Variants in FARP2 observed in about 807,000 individuals in gnomAD.
FARP2 encodes FERM, ARHGEF and pleckstrin domain-containing protein 2.
In FARP2, 111 loss-of-function variants were observed where a neutral mutation model predicts 130.5. The ratio of observed to expected loss-of-function variants is 0.85; its 90% CI spans 0.73 to 1.00. The LOEUF (loss-of-function observed/expected upper bound fraction) is 1.00. FARP2 is among the 50% of genes least tolerant of loss of function. FARP2 has a pLI of 0.00. For synonymous variants in FARP2, 504 were observed against 516.9 expected (o/e 0.98, Z 0.34); for missense variants, 1,385 against 1,346.3 (o/e 1.03, Z -0.45).
At chr2:241,396,836 A>G (rs1341898813) in intron 2 of FARP2, among the ~76,000 whole-genome samples, 1 of 152,202 alleles carries the variant, frequency 6.6e-6, no homozygotes, top group Non-Finnish European at 1.5e-5. Flanking sequence ...ATTACTGGGT[A>G]TATACCCAAA....
At chr2:241,410,153 A>T (rs546850371) in intron 5 of FARP2, among the ~76,000 whole-genome samples, 74 of 152,324 alleles carry the variant, frequency 4.9e-4, no homozygotes, top group Middle Eastern at 6.8e-3. Context: ...AATATTTTCA[A>T]TTGCCTTCTC....
chr2:241,470,568 C>CT (rs956967068), intron 18 of FARP2, among the ~76,000 whole-genome samples: 3 of 149,832 alleles, frequency 2.0e-5, no homozygotes, highest in Non-Finnish European at 4.4e-5. Flanking sequence ...AGGGGGGACT[C>CT]TGTTTTGAGG....
chr2:241,383,974 C>T (rs183100673), intron 2 of FARP2, among the ~76,000 whole-genome samples: 1 of 151,948 alleles, frequency 6.6e-6, no homozygotes, highest in South Asian at 2.1e-4. Context: ...AGATGCAAGG[C>T]GGCCATTGCT....
chr2:241,439,727 C>G lies in FARP2; in HGVS notation c.1159-1577C>G, dbSNP rs185623689. On this transcript the variant is annotated intron_variant, in intron 12 of 26. Coordinates refer to ENST00000264042, the MANE Select transcript of FARP2 (RefSeq NM_014808.4). ...CTGTAATACCAGCACTTTGGGAGGT[C>G]AAGGCGGGCAGATCTCCTGAGGTCA... Among the ~76,000 whole-genome samples, 336 of 152,236 alleles carry G rather than the reference C, an allele frequency of 2.2e-3. 1 individual carries two copies. Among genetic ancestry groups the G allele is most frequent in the Non-Finnish European group, 3.9e-3 (266 of 68,022 alleles).
intron 1 of FARP2, among the ~76,000 whole-genome samples, chr2:241,364,060 G>C (rs1480447420): frequency 6.6e-6 from 1 of 152,218 alleles, no homozygotes; most frequent in Non-Finnish European, 1.5e-5. Flanking sequence ...GCACATTGCA[G>C]ATGTAATGAA....
intron 7 of FARP2, among the ~76,000 whole-genome samples, chr2:241,415,195 G>A (rs1370251611): frequency 6.6e-6 from 1 of 152,186 alleles, no homozygotes; most frequent in African/African-American, 2.4e-5. Context: ...TCCATGCAGG[G>A]CAGTACAGGT....
chr2:241,366,104 A>AATAT (rs1553705629), intron 1 of FARP2, among the ~76,000 whole-genome samples: 12 of 57,008 alleles, frequency 2.1e-4, no homozygotes, highest in African/African-American at 8.1e-4. Context: ...AAAAAAAAAA[A>AATAT]ATATATATAT....
At chr2:241,402,914 A>G (rs1317299811) in intron 2 of FARP2, among the ~76,000 whole-genome samples, 2 of 26,894 alleles carry the variant, frequency 7.4e-5, no homozygotes, top group Non-Finnish European at 1.4e-4. Flanking sequence ...TTTTTTTTGT[A>G]GAGACAGTGT....
At chr2:241,366,100 A>ATATATATATATAT (rs1553705591) in intron 1 of FARP2, among the ~76,000 whole-genome samples, 2 of 9,246 alleles carry the variant, frequency 2.2e-4, no homozygotes, top group Admixed American at 2.1e-3. Context: ...ACTAAAAAAA[A>ATATATATATATAT]AAAAATATAT....
Position 241,453,769 on chromosome 2 carries a change from G to GTTTT in FARP2, c.1412-2949_1412-2946dup, listed in dbSNP as rs1180224982. 4.6e-4 allele frequency among the ~76,000 whole-genome samples: 25 copies of GTTTT among 54,036 alleles called. 4 individuals carry two copies. The highest frequency in any genetic ancestry group is 3.3e-3 in the East Asian group (5 of 1,532). The allele number at this position is 54,036 out of a possible 152,430, so 35.4% of individuals were successfully genotyped here. A position where few individuals can be genotyped will look rare whatever the true frequency, so the allele number is the denominator to read the frequency against. The stretch of plus-strand genomic sequence containing the variant: ...TGTTTACTGGGAGTGGCACTTACTG[G>GTTTT]TTTTTTTTTTTTTTTTTTTTTTTTT... On this transcript the variant is annotated intron_variant, in intron 13 of 26. Transcript: ENST00000264042.
At chr2:241,491,720 TC>T in intron 24 of FARP2, 41 bp downstream of exon 24, 1 of 1,545,136 alleles carries the variant, frequency 6.5e-7, no homozygotes. Context: ...TCTGGAATGT[TC>T]CCAGCTGTCT....
chr2:241,377,678 T>C (rs2061570465), intron 2 of FARP2, among the ~76,000 whole-genome samples: 1 of 152,228 alleles, frequency 6.6e-6, no homozygotes, highest in Non-Finnish European at 1.5e-5. Flanking sequence ...AGATTACTTA[T>C]AATACCTCAT....
intron 2 of FARP2, among the ~76,000 whole-genome samples, chr2:241,397,501 T>C (rs1039985472): frequency 4.6e-5 from 7 of 152,172 alleles, no homozygotes; most frequent in South Asian, 2.1e-4. Context: ...TGTACCAAAC[T>C]TGTCTTTTTT....
intron 4 of FARP2, among the ~76,000 whole-genome samples, chr2:241,406,344 A>G (rs536515205): frequency 4.0e-5 from 6 of 151,360 alleles, no homozygotes; most frequent in East Asian, 1.9e-4. Flanking sequence ...TAAACTGGGG[A>G]AAAAATGTCT....
At chr2:241,364,677 T>C (rs1331918379) in intron 1 of FARP2, among the ~76,000 whole-genome samples, 1 of 152,196 alleles carries the variant, frequency 6.6e-6, no homozygotes, top group African/African-American at 2.4e-5. Context: ...TAGTGAAAAA[T>C]ACAATAACTG....
intron 17 of FARP2, chr2:241,466,135 A>C: frequency 2.8e-6 from 3 of 1,056,968 alleles, no homozygotes; most frequent in Non-Finnish European, 3.4e-6. Context: ...ACAAAACCAA[A>C]TCTGGGTGTC....
rs1176974527 is a variant in FARP2 at position 241,407,557 on chromosome 2, C to T, written c.352C>T (p.Arg118Cys). 9.9e-6 allele frequency: 16 copies of T among 1,613,958 alleles called. No homozygotes were observed. The highest frequency in any genetic ancestry group is 2.2e-5 in the East Asian group (1 of 44,880). ...QIRRPKNVVLRLAVKFFPPDP... is the reference protein window; with the variant it reads ...QIRRPKNVVLCLAVKFFPPDP... Reference sequence around the variant, plus strand: ...TATAGGGCCAAAGAATGTGGTGCTTCGCCTAGCTGTAAAATTTTTTCCACC... The same window carrying T: ...TATAGGGCCAAAGAATGTGGTGCTTTGCCTAGCTGTAAAATTTTTTCCACC... Residue 118 changes from arginine to cysteine, a missense_variant, in exon 5 of 27, where the codon CGC (arginine) becomes TGC (cysteine). Transcript: ENST00000264042.
intron 1 of FARP2, among the ~76,000 whole-genome samples, chr2:241,366,235 A>G (rs1575453805): frequency 1.3e-5 from 2 of 150,974 alleles, no homozygotes; most frequent in Admixed American, 1.3e-4. Context: ...CCAAAGCAGC[A>G]TATACAGATC....
At chr2:241,466,481 C>T (rs1574882490) in intron 17 of FARP2, 5 of 985,332 alleles carry the variant, frequency 5.1e-6, no homozygotes, top group South Asian at 9.4e-5. Flanking sequence ...CCTCAGCCAA[C>T]CCTGTCCCTT....
Sources: allele counts gnomAD v4.1 joint callset (sites outside exome capture counted in the v4.1 genomes callset), GRCh38; gene constraint gnomAD v4.1.1; transcripts MANE v1.5; gene names NCBI Gene and HGNC (gene_info 2026-07-23, HGNC 2026-07-21).